The following TGM6 variants were observed in gnomAD, a reference collection of about 807,000 sequenced individuals.
The protein encoded by TGM6 is protein-glutamine gamma-glutamyltransferase 6.
In TGM6, 74 loss-of-function variants were observed where a neutral mutation model predicts 77.5. That is an observed-to-expected ratio of 0.96 (90% confidence interval 0.79 to 1.16). TGM6 has a LOEUF of 1.16. TGM6 is among the 50% of genes most tolerant of loss of function. TGM6 has a pLI of 0.00. For synonymous variants in TGM6, 383 were observed against 378.9 expected (o/e 1.01, Z -0.12); for missense variants, 968 against 940.2 (o/e 1.03, Z -0.39).
chr20:2,391,514 A>C (rs1261161300), intron 1 of TGM6, among the ~76,000 whole-genome samples: 1 of 151,990 alleles, frequency 6.6e-6, no homozygotes, highest in Non-Finnish European at 1.5e-5. Flanking sequence ...GTGGGGGGTG[A>C]GCTGGAGGAG....
chr20:2,428,840 T>G (rs903222755), intron 10 of TGM6, among the ~76,000 whole-genome samples: 6 of 152,178 alleles, frequency 3.9e-5, no homozygotes, highest in African/African-American at 1.4e-4. Context: ...TATTGTTATT[T>G]TGAGATAGAG....
intron 10 of TGM6, among the ~76,000 whole-genome samples, chr20:2,426,860 T>A (rs1007768791): frequency 2.6e-5 from 4 of 152,214 alleles, no homozygotes; most frequent in African/African-American, 9.6e-5. Flanking sequence ...TAAATCCCAC[T>A]TGATCATAGC....
chr20:2,413,035 A>G (rs1411831434), intron 9 of TGM6, among the ~76,000 whole-genome samples: 1 of 152,198 alleles, frequency 6.6e-6, no homozygotes, highest in Non-Finnish European at 1.5e-5. Flanking sequence ...TGATCATAAA[A>G]TTCATTTGGA....
In TGM6 at chr20:2,413,473, C is replaced by T. The variant is rs572464300; in HGVS notation, c.1337-3759C>T. On this transcript the variant is annotated intron_variant, in intron 9 of 12. Transcript: ENST00000202625. Reference sequence around the variant, plus strand: ...AGTAACCCAGACAGTGTGATACTGGCATGAGAATGGACATATAGATCAAAG... The same window carrying T: ...AGTAACCCAGACAGTGTGATACTGGTATGAGAATGGACATATAGATCAAAG... 1.2e-4 allele frequency among the ~76,000 whole-genome samples: 19 copies of T among 152,178 alleles called. No individual in the cohort carries two copies. The South Asian group carries it at 3.3e-3, about 27-fold the overall frequency.
intron 1 of TGM6, among the ~76,000 whole-genome samples, chr20:2,389,280 G>A (rs2122332829): frequency 6.6e-6 from 1 of 152,176 alleles, no homozygotes; most frequent in East Asian, 1.9e-4. Flanking sequence ...CAGTTTGCCA[G>A]CCATGTAAGT....
intron 6 of TGM6, among the ~76,000 whole-genome samples, chr20:2,399,944 T>A (rs2084695009): frequency 6.6e-6 from 1 of 152,200 alleles, no homozygotes; most frequent in African/African-American, 2.4e-5. Flanking sequence ...CCTAGCTCCC[T>A]CTGTCTCTCA....
At chr20:2,427,769 C>G (rs2084897928) in intron 10 of TGM6, among the ~76,000 whole-genome samples, 1 of 151,912 alleles carries the variant, frequency 6.6e-6, no homozygotes, top group Non-Finnish European at 1.5e-5. Context: ...TTTTGTTTTG[C>G]TTTTCAGACA....
intron 1 of TGM6, among the ~76,000 whole-genome samples, chr20:2,386,563 T>C (rs2422763): frequency 0.76 from 114,970 of 152,054 alleles, 43,957 homozygotes; most frequent in African/African-American, 0.83. Flanking sequence ...CTTTCTAACA[T>C]TGGGCGGTGA....
chr20:2,408,076 G>T (rs2084763547), intron 9 of TGM6, among the ~76,000 whole-genome samples: 1 of 152,182 alleles, frequency 6.6e-6, no homozygotes, highest in East Asian at 1.9e-4. Context: ...GGAGATGAAA[G>T]GTTGAGAAGG....
chr20:2,388,326 T>A (rs746744198), intron 1 of TGM6, among the ~76,000 whole-genome samples: 1 of 152,220 alleles, frequency 6.6e-6, no homozygotes, highest in Non-Finnish European at 1.5e-5. Context: ...AAGCCACTGA[T>A]CTGATGCCTG....
intron 11 of TGM6, 143 bp downstream of exon 11, chr20:2,430,743 G>A (rs2084918598): frequency 6.3e-7 from 1 of 1,585,666 alleles, no homozygotes; most frequent in Non-Finnish European, 8.6e-7. Flanking sequence ...TGGACATAAG[G>A]GGATGGGTGC....
At chr20:2,392,974 G>T (rs1467239268) in intron 1 of TGM6, among the ~76,000 whole-genome samples, 3 of 152,136 alleles carry the variant, frequency 2.0e-5, no homozygotes, top group Non-Finnish European at 4.4e-5. Context: ...GCCCCCAGAG[G>T]ACCTCCTCAT....
chr20:2,413,339 G>C (rs960402028), intron 9 of TGM6, among the ~76,000 whole-genome samples: 3 of 152,152 alleles, frequency 2.0e-5, no homozygotes, highest in African/African-American at 7.2e-5. Flanking sequence ...AGCCTGGGAG[G>C]TTGAGGTTGC....
intron 9 of TGM6, among the ~76,000 whole-genome samples, chr20:2,407,904 T>A (rs1333093057): frequency 6.6e-6 from 1 of 152,132 alleles, no homozygotes; most frequent in South Asian, 2.1e-4. Context: ...ACTCACCACA[T>A]GGTGAGCTGA....
chr20:2,383,892 G>C (rs911152560), intron 1 of TGM6, among the ~76,000 whole-genome samples: 1 of 152,056 alleles, frequency 6.6e-6, no homozygotes, highest in Non-Finnish European at 1.5e-5. Context: ...CGGATCATGA[G>C]GTCAGGAGAT....
rs142074299 is a variant in TGM6 at position 2,395,019 on chromosome 20, G to A, written c.182-175G>A. The stretch of plus-strand genomic sequence containing the variant: ...AAGTGGCTGGGATGTCAGGGCAGCT[G>A]AGGTGGACCCTCACTTGGCCACTGG... On this transcript the variant is annotated intron_variant, in intron 2 of 12. Coordinates refer to ENST00000202625, the MANE Select transcript of TGM6 (RefSeq NM_198994.3). 5.1e-3 allele frequency among the ~76,000 whole-genome samples: 770 copies of A among 152,342 alleles called. 7 individuals are homozygous for A. The highest frequency in any genetic ancestry group is 0.018 in the African/African-American group (733 of 41,570).
chr20:2,393,072 G>C (rs1013382863), intron 1 of TGM6, among the ~76,000 whole-genome samples: 7 of 152,228 alleles, frequency 4.6e-5, no homozygotes, highest in Admixed American at 1.3e-4. Context: ...GCCTGGCATA[G>C]AGATTATACA....
chr20:2,382,171 C>G (rs373052943), intron 1 of TGM6, among the ~76,000 whole-genome samples: 14 of 152,344 alleles, frequency 9.2e-5, no homozygotes, highest in South Asian at 8.3e-4. Flanking sequence ...TTTGAATTTC[C>G]TCATCATAGT....
chr20:2,400,382 T>G lies in TGM6; in HGVS notation c.927T>G (p.Ser309Arg). 1 of 1,614,022 alleles carries G rather than the reference T, an allele frequency of 6.2e-7. No individual in the cohort carries two copies. Among genetic ancestry groups the G allele is most frequent in the Non-Finnish European group, 8.5e-7 (1 of 1,179,996 alleles). ...NSAHDTDQNL[S>R]VDKYVDSFGR... is the part of the protein sequence containing the mutation. The stretch of plus-strand genomic sequence containing the variant: ...CCCACGACACAGACCAGAACCTGAG[T>G]GTGGACAAATACGTGGACTCCTTCG... The change falls in exon 7 of 13, where the codon AGT becomes AGG. Residue 309 changes from serine (S) to arginine (R), a missense_variant. By Grantham distance (110) the Ser-to-Arg change is moderately radical (BLOSUM62 -1). Transcript: ENST00000202625.
Sources: allele counts gnomAD v4.1 joint callset (sites outside exome capture counted in the v4.1 genomes callset), GRCh38; gene constraint gnomAD v4.1.1; transcripts MANE v1.5; gene names NCBI Gene and HGNC (gene_info 2026-07-23, HGNC 2026-07-21).